STAU2: variants seen among roughly 807,000 people sequenced by gnomAD.
STAU2 encodes the protein staufen double-stranded RNA binding protein 2.
In STAU2, 20 loss-of-function variants were observed where a neutral mutation model predicts 65.9. That is an observed-to-expected ratio of 0.30 (90% CI 0.21 to 0.44). The LOEUF is 0.44. Among genes scored for constraint, STAU2 ranks in the 20% least tolerant of loss-of-function variants. The pLI, the probability that STAU2 is intolerant of heterozygous loss-of-function variation, is 1.00. For missense variants in STAU2, 558 were observed against 683.9 expected, an observed-to-expected ratio of 0.82 and a Z score of 2.05; for synonymous variants, 232 against 233.9, an observed-to-expected ratio of 0.99 and a Z score of 0.07.
chr8:73,632,003 A>AGAGG (rs993201310), intron 6 of STAU2, among the ~76,000 whole-genome samples: 8 of 129,088 alleles, frequency 6.2e-5, no homozygotes, highest in African/African-American at 1.7e-4. Context: ...AGGGGGGAGG[A>AGAGG]GAGGGAGGGA....
chr8:73,501,958 G>C (rs903930589), intron 13 of STAU2, among the ~76,000 whole-genome samples: 3 of 151,924 alleles, frequency 2.0e-5, no homozygotes, highest in Admixed American at 6.6e-5. Context: ...TGGCCACTTG[G>C]GGGTAGGAGT....
intron 1 of STAU2, among the ~76,000 whole-genome samples, chr8:73,741,835 C>T (rs1004221085): frequency 3.3e-5 from 5 of 152,088 alleles, no homozygotes; most frequent in African/African-American, 7.2e-5. Context: ...TCTTCTGACA[C>T]GGAAAAGATA....
chr8:73,677,003 C>T (rs1223842787), intron 5 of STAU2, among the ~76,000 whole-genome samples: 1 of 152,128 alleles, frequency 6.6e-6, no homozygotes, highest in Admixed American at 6.5e-5. Context: ...TGTAAGAACC[C>T]TGTAAGCCAG....
At chr8:73,605,234 A>G (rs1811921723) in intron 9 of STAU2, among the ~76,000 whole-genome samples, 1 of 151,868 alleles carries the variant, frequency 6.6e-6, no homozygotes, top group Non-Finnish European at 1.5e-5. Flanking sequence ...AATAGTCAAT[A>G]CATCATGTTC....
At chr8:73,598,632 A>G (rs1160808529) in intron 10 of STAU2, among the ~76,000 whole-genome samples, 1 of 152,150 alleles carries the variant, frequency 6.6e-6, no homozygotes. Flanking sequence ...GAAACAAGAC[A>G]AGGATGTTCC....
intron 13 of STAU2, chr8:73,551,180 TA>T (rs945539115): frequency 1.6e-5 from 16 of 987,454 alleles, no homozygotes; most frequent in Non-Finnish European, 1.8e-5. Context: ...TTCCCCTTCC[TA>T]GAGTTTACAA....
At chr8:73,731,515 C>T (rs192151520) in intron 3 of STAU2, among the ~76,000 whole-genome samples, 12 of 152,308 alleles carry the variant, frequency 7.9e-5, no homozygotes, top group Admixed American at 7.8e-4. Context: ...TCAGGGATCA[C>T]AGTCTGGTGC....
At chr8:73,720,529 G>T (rs1397099465) in intron 3 of STAU2, among the ~76,000 whole-genome samples, 2 of 5,444 alleles carry the variant, frequency 3.7e-4, no homozygotes, top group South Asian at 9.1e-3. Flanking sequence ...TTTTTGAGAC[G>T]GAGTCTCGCT....
At chr8:73,542,971 T>C (rs1806648101) in intron 13 of STAU2, among the ~76,000 whole-genome samples, 1 of 152,198 alleles carries the variant, frequency 6.6e-6, no homozygotes, top group Admixed American at 6.5e-5. Flanking sequence ...GCACAAAATA[T>C]TGTAAATCAA....
intron 13 of STAU2, among the ~76,000 whole-genome samples, chr8:73,430,344 C>G (rs1355548770): frequency 6.6e-6 from 1 of 152,178 alleles, no homozygotes; most frequent in Admixed American, 6.5e-5. Flanking sequence ...ACAGAGTGGG[C>G]AGGGCCTGCC....
At chr8:73,536,891 A>G (rs2128935783) in intron 13 of STAU2, among the ~76,000 whole-genome samples, 1 of 152,342 alleles carries the variant, frequency 6.6e-6, no homozygotes, top group Admixed American at 6.5e-5. Flanking sequence ...AAAATTCAGT[A>G]GAAAATCACC....
chr8:73,458,872 C>T (rs1372162712), intron 13 of STAU2: 1 of 152,214 alleles, frequency 6.6e-6, no homozygotes, highest in African/African-American at 2.4e-5. Flanking sequence ...TATACATTGC[C>T]CCATCCGATC....
intron 3 of STAU2, among the ~76,000 whole-genome samples, chr8:73,735,684 T>G (rs765953116): frequency 1.3e-5 from 2 of 152,202 alleles, no homozygotes; most frequent in Admixed American, 6.5e-5. Context: ...AATTTAAGTA[T>G]GTATATCTCC....
At position 73,551,075 on chromosome 8, in the gene STAU2, C is replaced by A. The variant is rs181266863; in HGVS notation, c.1530+937G>T. The A allele has an allele frequency of 1.6e-3, 1,536 of 987,252 alleles. 3 individuals carry two copies. The highest frequency in any genetic ancestry group is 6.3e-3 in the Middle Eastern group (21 of 3,310). The allele number at this position is 987,252 out of a possible 1,614,324, so 61.2% of individuals were successfully genotyped here. On this transcript the variant is annotated intron_variant, in intron 13 of 14. Transcript: ENST00000524300. Reference sequence around the variant, plus strand: ...GTGAAATCTGAGGAAGCAATACACTCTCTACACACAAGCAAACTAGTTCAT... The same window carrying A: ...GTGAAATCTGAGGAAGCAATACACTATCTACACACAAGCAAACTAGTTCAT...
chr8:73,528,333 T>C (rs79143170), intron 13 of STAU2, among the ~76,000 whole-genome samples: 166 of 152,334 alleles, frequency 1.1e-3, no homozygotes, highest in African/African-American at 3.8e-3. Context: ...TGAATTAAAT[T>C]GAAATGATTT....
At chr8:73,480,046 C>A (rs1283978069) in intron 13 of STAU2, among the ~76,000 whole-genome samples, 4 of 152,126 alleles carry the variant, frequency 2.6e-5, no homozygotes, top group Non-Finnish European at 5.9e-5. Flanking sequence ...GAACCAAAAT[C>A]TCATGTCTTA....
chr8:73,557,842 G>C (rs987786418), intron 12 of STAU2, among the ~76,000 whole-genome samples: 2 of 152,086 alleles, frequency 1.3e-5, no homozygotes, highest in Non-Finnish European at 2.9e-5. Context: ...TCTATCTTTT[G>C]TCCCTGGTTT....
chr8:73,531,352 C>T (rs541222305), intron 13 of STAU2, among the ~76,000 whole-genome samples: 2 of 152,180 alleles, frequency 1.3e-5, no homozygotes, highest in African/African-American at 4.8e-5. Flanking sequence ...TGGCAAGGCA[C>T]GGAGGAAGGG....
intron 6 of STAU2, among the ~76,000 whole-genome samples, chr8:73,666,763 G>C (rs1001677780): frequency 1.3e-5 from 2 of 152,096 alleles, no homozygotes; most frequent in African/African-American, 4.8e-5. Context: ...GGGGAAGAAA[G>C]GATACACCTT....
Sources: gnomAD v4.1 joint callset for allele counts (sites outside exome capture counted in the v4.1 genomes callset) on GRCh38, gnomAD v4.1.1 for gene constraint, MANE v1.5 for transcripts, NCBI Gene and HGNC (gene_info 2026-07-23, HGNC 2026-07-21) for gene names.